Variants in ATP7B observed in about 807,000 individuals in gnomAD.
ATP7B encodes the protein ATPase copper transporting beta.
Under a neutral mutation model 118.9 loss-of-function variants are expected in ATP7B, and 113 were observed. The ratio of observed to expected loss-of-function variants is 0.95; its 90% CI spans 0.82 to 1.11. The LOEUF is 1.11. Ranked by LOEUF, ATP7B falls within the 50% of genes most tolerant of loss-of-function variation. The probability of loss-of-function intolerance (pLI) is 0.00; values close to 1 mark genes in which losing one functional copy is unlikely to be tolerated. For synonymous variants in ATP7B, 777 were observed against 727.4 expected (o/e 1.07, Z -1.10); for missense variants, 1,867 against 1,871.4 (o/e 1.00, Z 0.04).
At position 51,946,346 on chromosome 13, in the gene ATP7B, C is replaced by G. The variant is rs751078884; in HGVS notation, c.2998G>C (p.Gly1000Arg). 1 of 1,611,160 alleles carries G rather than the reference C, an allele frequency of 6.2e-7. No homozygotes were observed. The highest frequency in any genetic ancestry group is 8.5e-7 in the Non-Finnish European group (1 of 1,179,108). The change falls in exon 13 of 21, where the codon GGG (glycine) becomes CGG (arginine). Residue 1000 changes from glycine (G) to arginine (R), a missense_variant. Transcript: ENST00000242839. ...AGGATGCCGTTCTGCGCGGCCACCC[C>G]GGTGCCCACCATGACAGCCGTGGGC... Reference protein sequence around the residue: ...ATPTAVMVGTGVAAQNGILIK... With the variant: ...ATPTAVMVGTRVAAQNGILIK...
chr13:51,938,062 C>G (rs1009833616), intron 17 of ATP7B, among the ~76,000 whole-genome samples: 3 of 152,200 alleles, frequency 2.0e-5, no homozygotes, highest in Admixed American at 2.0e-4. Context: ...GAGGGCAGCT[C>G]AACTCTTGGG....
At chr13:51,940,815 G>A (rs1209485066) in intron 16 of ATP7B, among the ~76,000 whole-genome samples, 1 of 152,106 alleles carries the variant, frequency 6.6e-6, no homozygotes, top group Admixed American at 6.5e-5. Flanking sequence ...ACCTGGACAA[G>A]AGCAATGATG....
intron 3 of ATP7B, among the ~76,000 whole-genome samples, chr13:51,969,229 A>C (rs1201759934): frequency 6.6e-6 from 1 of 151,874 alleles, no homozygotes; most frequent in Non-Finnish European, 1.5e-5. Context: ...TTTAATGGAC[A>C]TATGAATCAC....
In ATP7B at chr13:51,943,034, T is replaced by TGGA. The variant is rs1957429889; in HGVS notation, c.3244-483_3244-481dup. Among the ~76,000 whole-genome samples, 3 of 152,308 alleles carry TGGA rather than the reference T, an allele frequency of 2.0e-5. No individual in the cohort carries two copies. The South Asian group carries it at 6.2e-4, about 32-fold the overall frequency. On this transcript the variant is annotated intron_variant, in intron 14 of 20. Coordinates refer to ENST00000242839, the MANE Select transcript of ATP7B (RefSeq NM_000053.4). ...AGATAACTGCCTGTATATCAGACCC[T>TGGA]GGAGGAGGAGGGGACAAGGTGGCAG...
intron 1 of ATP7B, among the ~76,000 whole-genome samples, chr13:52,010,503 C>A (rs1361699043): frequency 6.6e-6 from 1 of 152,194 alleles, no homozygotes; most frequent in Non-Finnish European, 1.5e-5. Context: ...AACTATGATG[C>A]GTCCAAACTG....
intron 1 of ATP7B, among the ~76,000 whole-genome samples, chr13:52,009,102 C>T (rs548697196): frequency 2.8e-4 from 43 of 152,224 alleles, no homozygotes; most frequent in African/African-American, 9.9e-4. Flanking sequence ...TCTTGAACTC[C>T]TGGACCCAAA....
At chr13:51,976,353 T>C (rs1952120845) in intron 1 of ATP7B, among the ~76,000 whole-genome samples, 1 of 152,248 alleles carries the variant, frequency 6.6e-6, no homozygotes, top group Non-Finnish European at 1.5e-5. Context: ...CACAAATGTT[T>C]AAATAACTTG....
chr13:51,970,687 C>A lies in ATP7B; in HGVS notation c.1348G>T (p.Asp450Tyr), dbSNP rs938472163. Reference sequence around the variant, plus strand: ...TCCTGCACAGATGTAGGTGTACCATCTGTAGTTTGCACCATGGAATTCCCA... The same window carrying A: ...TCCTGCACAGATGTAGGTGTACCATATGTAGTTTGCACCATGGAATTCCCA... Reference protein sequence around the residue: ...SAGNSMVQTTDGTPTSVQEVA... With the variant: ...SAGNSMVQTTYGTPTSVQEVA... The change falls in exon 3 of 21, where the codon GAT becomes TAT. Residue 450 changes from aspartate (D) to tyrosine (Y), a missense_variant. Asp to Tyr is a radical substitution (Grantham distance 160). Transcript: ENST00000242839. 6.2e-7 allele frequency: 1 copy of A among 1,614,184 alleles called. No homozygotes were observed. The highest frequency in any genetic ancestry group is 1.7e-5 in the Admixed American group (1 of 60,028).
intron 9 of ATP7B, among the ~76,000 whole-genome samples, chr13:51,952,672 C>T (rs1958082805): frequency 6.6e-6 from 1 of 152,170 alleles, no homozygotes; most frequent in Non-Finnish European, 1.5e-5. Context: ...TTAGTAACTA[C>T]CATATGCAGG....
rs778117355 is a variant in ATP7B at position 51,974,913 on chromosome 13, C to T, written c.307G>A (p.Val103Met). The T allele has an allele frequency of 6.2e-7, 1 of 1,614,114 alleles. No individual in the cohort carries two copies. The highest frequency in any genetic ancestry group is 2.2e-5 in the East Asian group (1 of 44,904). The change falls in exon 2 of 21, where the codon GTG becomes ATG. Residue 103 changes from valine (V) to methionine (M), a missense_variant. Transcript: ENST00000242839. ...LEQGSATVKY[V>M]PSVVCLQQVC... ...TGTTGCAGGCACACAACCGATGGCA[C>T]ATATTTCACAGTGGCACTGCCTTGT...
At chr13:51,952,187 G>A (rs868467822) in intron 9 of ATP7B, among the ~76,000 whole-genome samples, 11 of 152,216 alleles carry the variant, frequency 7.2e-5, no homozygotes, top group Admixed American at 1.3e-4. Flanking sequence ...GAGATGCTGC[G>A]GGGGGAGAGG....
At chr13:51,986,683 C>T (rs1206711950) in intron 1 of ATP7B, among the ~76,000 whole-genome samples, 3 of 152,076 alleles carry the variant, frequency 2.0e-5, no homozygotes, top group South Asian at 2.1e-4. Flanking sequence ...ACTGGCAAAC[C>T]GAATCCAGCA....
At position 51,935,849 on chromosome 13, in the gene ATP7B, C is replaced by G. The variant is rs186157250; in HGVS notation, c.4022-154G>C. Among the ~76,000 whole-genome samples, 499 of 152,264 alleles carry G rather than the reference C, an allele frequency of 3.3e-3. 2 individuals are homozygous for G. The highest frequency in any genetic ancestry group is 4.7e-3 in the Non-Finnish European group (317 of 68,004). Reference sequence around the variant, plus strand: ...CTGCCAATGGATCTTGCCCACAGGCCCCCCCCAAAGTGAGGCTTCCTAGAA... The same window carrying G: ...CTGCCAATGGATCTTGCCCACAGGCGCCCCCCAAAGTGAGGCTTCCTAGAA... On this transcript the variant is annotated intron_variant, in intron 19 of 20. Coordinates refer to ENST00000242839, the MANE Select transcript of ATP7B (RefSeq NM_000053.4).
At chr13:51,951,584 G>A (rs74381777) in intron 9 of ATP7B, among the ~76,000 whole-genome samples, 14,188 of 152,066 alleles carry the variant, frequency 0.093, 964 homozygotes, top group African/African-American at 0.2. Context: ...TAGGAGTGAC[G>A]GAGAAAACAC....
chr13:51,950,238 T>C, intron 10 of ATP7B, 34 bp downstream of exon 10: 1 of 1,614,152 alleles, frequency 6.2e-7, no homozygotes, highest in African/African-American at 1.3e-5. Flanking sequence ...TGCTATGATA[T>C]CCTCCTGAGG....
chr13:51,978,379 A>C (rs1357065767), intron 1 of ATP7B, among the ~76,000 whole-genome samples: 1 of 152,250 alleles, frequency 6.6e-6, no homozygotes, highest in African/African-American at 2.4e-5. Context: ...AAAGAAATGT[A>C]ACATTCCAAC....
Position 51,984,737 on chromosome 13 carries a change from C to T in ATP7B, c.52-9569G>A, listed in dbSNP as rs145364983. Among the ~76,000 whole-genome samples, 307 of 152,220 alleles carry T rather than the reference C, an allele frequency of 2.0e-3. 1 individual carries two copies. Among genetic ancestry groups the T allele is most frequent in the Non-Finnish European group, 3.7e-3 (249 of 68,018 alleles). On this transcript the variant is annotated intron_variant, in intron 1 of 20. Coordinates refer to ENST00000242839, the MANE Select transcript of ATP7B (RefSeq NM_000053.4). ...GATCTCTCTGCAGAAACCCTACAAG[C>T]CAGAAGAGAATAGGGGCCAATATTC...
At chr13:51,979,485 T>C (rs1359745734) in intron 1 of ATP7B, among the ~76,000 whole-genome samples, 1 of 152,160 alleles carries the variant, frequency 6.6e-6, no homozygotes, top group Non-Finnish European at 1.5e-5. Flanking sequence ...TAAAAATTAA[T>C]TTAAAATTAA....
chr13:51,960,312 A>G lies in ATP7B; in HGVS notation c.1957T>C (p.Ser653Pro). 6.2e-7 allele frequency: 1 copy of G among 1,613,240 alleles called. No individual in the cohort carries two copies. Among genetic ancestry groups the G allele is most frequent in the South Asian group, 1.1e-5 (1 of 91,020 alleles). The change falls in exon 7 of 21, where the codon TCT becomes CCT. Residue 653 changes from serine to proline, a missense_variant. Coordinates refer to ENST00000242839, the MANE Select transcript of ATP7B (RefSeq NM_000053.4). The stretch of plus-strand genomic sequence containing the variant: ...CCAAACACCAGGCTGCACAGGAAAG[A>G]CTTCTTCCACCTGGAAAGCAAATGC... The part of the protein sequence containing the change: ...HKMEIKQWKK[S>P]FLCSLVFGIP...
Sources: allele counts gnomAD v4.1 joint callset (sites outside exome capture counted in the v4.1 genomes callset), GRCh38; gene constraint gnomAD v4.1.1; transcripts MANE v1.5; gene names NCBI Gene and HGNC (gene_info 2026-07-23, HGNC 2026-07-21).